The following AFF4 variants were observed in gnomAD, a reference collection of about 807,000 sequenced individuals.
AFF4 encodes AF4/FMR2 family member 4.
In AFF4, 13 loss-of-function variants were observed where a neutral mutation model predicts 124.8. The ratio of observed to expected loss-of-function variants is 0.10; its 90% CI spans 0.07 to 0.17. The LOEUF (loss-of-function observed/expected upper bound fraction) is 0.17, where lower values mean the gene tolerates loss of function less well. Ranked by LOEUF, AFF4 falls within the 10% of genes least tolerant of loss-of-function variation. AFF4 has a pLI of 1.00. For missense variants in AFF4, 1,092 were observed against 1,403.8 expected, an observed-to-expected ratio of 0.78 and a Z score of 3.55; for synonymous variants, 477 against 496.1, an observed-to-expected ratio of 0.96 and a Z score of 0.51.
intron 11 of AFF4, among the ~76,000 whole-genome samples, chr5:132,894,877 C>G (rs1760349029): frequency 6.6e-6 from 1 of 152,124 alleles, no homozygotes; most frequent in Admixed American, 6.5e-5. Context: ...TCACTTGAAC[C>G]CGGCAGTTTG....
In AFF4 at chr5:132,897,065, T is replaced by G. The variant is rs1008867886; in HGVS notation, c.1565A>C (p.Lys522Thr). The G allele has an allele frequency of 1.2e-6, 2 of 1,614,206 alleles. No individual in the cohort carries two copies. Among genetic ancestry groups the G allele is most frequent in the Non-Finnish European group, 1.7e-6 (2 of 1,180,032 alleles). The change falls in exon 11 of 21, where the codon AAA becomes ACA. Residue 522 changes from lysine to threonine, a missense_variant. This residue lies in a region of AFF4 where 174 missense variants were observed against 205.9 expected (regional missense o/e 0.84). Transcript: ENST00000265343. ...TCCCGGAGTAGCGGAACTCGTTTCT[T>G]TAGGTCCACTTGTATCAGTGTAGCT... is the stretch of plus-strand genomic sequence containing the variant. ...GNSYTDTSGP[K>T]ETSSATPGRD...
chr5:132,949,305 C>G (rs961293110), intron 1 of AFF4, among the ~76,000 whole-genome samples: 1 of 146,550 alleles, frequency 6.8e-6, no homozygotes, highest in Admixed American at 7.0e-5. Context: ...CCACAGCCTT[C>G]AGAGTAGCTG....
intron 5 of AFF4, among the ~76,000 whole-genome samples, chr5:132,914,213 G>T (rs1382777788): frequency 6.6e-6 from 1 of 151,504 alleles, no homozygotes; most frequent in Non-Finnish European, 1.5e-5. Flanking sequence ...GGGCAACGGA[G>T]CAAGACTCCA....
intron 19 of AFF4, 46 bp from the exon 20 acceptor site, chr5:132,883,606 A>G (rs768295671): frequency 6.4e-7 from 1 of 1,561,282 alleles, no homozygotes; most frequent in South Asian, 1.1e-5. Flanking sequence ...CATGGTAAGC[A>G]TTATAAAATC....
At chr5:132,946,757 A>G (rs1322639696) in intron 1 of AFF4, among the ~76,000 whole-genome samples, 4 of 152,242 alleles carry the variant, frequency 2.6e-5, no homozygotes, top group Admixed American at 2.6e-4. Context: ...ACTGAATTGT[A>G]TATGTAAAAT....
chr5:132,896,876 T>C lies in AFF4; in HGVS notation c.1754A>G (p.Glu585Gly), dbSNP rs762384713. Residue 585 changes from glutamate to glycine, a missense_variant, in exon 11 of 21, where the codon GAA becomes GGA. Transcript: ENST00000265343. ...AEEPRGGLKIESETPVDLASS... is the reference protein window; with the variant it reads ...AEEPRGGLKIGSETPVDLASS... Reference sequence around the variant, plus strand: ...AGCCAAGTCTACAGGGGTTTCACTTTCTATCTTCAGGCCTCCACGAGGCTC... The same window carrying C: ...AGCCAAGTCTACAGGGGTTTCACTTCCTATCTTCAGGCCTCCACGAGGCTC... 6.2e-7 allele frequency: 1 copy of C among 1,614,126 alleles called. No homozygotes were observed. The highest frequency in any genetic ancestry group is 1.7e-5 in the Admixed American group (1 of 60,004).
rs1259299926 is a variant in AFF4, at chr5:132,902,442, G to A, written c.1133C>T (p.Ser378Phe). The change falls in exon 7 of 21, where the codon TCT (serine) becomes TTT (phenylalanine). Residue 378 changes from serine to phenylalanine, a missense_variant and splice_region_variant. By Grantham distance (155) the Ser-to-Phe change is radical. Transcript: ENST00000265343. ...TAAACTCATTAAGCAATAAACTTAC[G>A]ATTTAGACTGGTGCCCATTTGAAGT... ...SKTSNGHQSK[S>F]MLKDDLKLSS... 32 of 1,603,400 alleles carry A rather than the reference G, an allele frequency of 2.0e-5. No individual in the cohort carries two copies. The highest frequency in any genetic ancestry group is 2.7e-5 in the African/African-American group (2 of 74,668).
intron 20 of AFF4, 78 bp downstream of exon 20, chr5:132,883,262 T>A: frequency 6.7e-6 from 9 of 1,339,522 alleles, no homozygotes; most frequent in Non-Finnish European, 9.5e-6. Flanking sequence ...AAATACAGAC[T>A]AAACGCTTAC....
At chr5:132,920,238 C>T (rs990960819) in intron 5 of AFF4, among the ~76,000 whole-genome samples, 1 of 151,756 alleles carries the variant, frequency 6.6e-6, no homozygotes, top group Non-Finnish European at 1.5e-5. Context: ...TTAGTGGAGT[C>T]GGAGTTTCAC....
Position 132,887,905 on chromosome 5 carries a change from C to G in AFF4, c.2874G>C (p.Lys958Asn). ...ATGGGGATTTGGATTCCTGAGCATT[C>G]TTCTCTAATGCATTCCCACATTCAA... ...SFIECGNALE[K>N]NAQESKSPFP... The change falls in exon 16 of 21, where the codon AAG (lysine) becomes AAC (asparagine). Residue 958 changes from lysine to asparagine, a missense_variant. Coordinates refer to ENST00000265343, the MANE Select transcript of AFF4 (RefSeq NM_014423.4). The G allele has an allele frequency of 6.2e-7, 1 of 1,613,868 alleles. No homozygotes were observed. The highest frequency in any genetic ancestry group is 8.5e-7 in the Non-Finnish European group (1 of 1,179,946).
chr5:132,949,687 C>A (rs1297063517), intron 1 of AFF4, among the ~76,000 whole-genome samples: 1 of 141,558 alleles, frequency 7.1e-6, no homozygotes, highest in African/African-American at 2.8e-5. Flanking sequence ...ATGTGTACCA[C>A]ACACACACAC....
intron 5 of AFF4, among the ~76,000 whole-genome samples, chr5:132,921,249 A>G (rs531196151): frequency 2.2e-4 from 34 of 152,306 alleles, no homozygotes; most frequent in African/African-American, 6.3e-4. Flanking sequence ...GCAAATCAGT[A>G]CATGAAAAGA....
At chr5:132,940,934 G>A (rs148265199) in intron 1 of AFF4, among the ~76,000 whole-genome samples, 29 of 152,008 alleles carry the variant, frequency 1.9e-4, no homozygotes, top group Non-Finnish European at 3.2e-4. Context: ...GGCTGATGCA[G>A]GAGAAAAGCT....
At chr5:132,963,067 C>T (rs953056103) in intron 1 of AFF4, among the ~76,000 whole-genome samples, 192 bp downstream of exon 1, 39 of 152,052 alleles carry the variant, frequency 2.6e-4, no homozygotes, top group African/African-American at 8.2e-4. Context: ...TTTTTATTTT[C>T]TTATCTTTGC....
In AFF4 at chr5:132,881,110, A is replaced by G. The variant is rs562166983; in HGVS notation, c.3441T>C (p.Tyr1147=). 7 of 1,614,234 alleles carry G rather than the reference A, an allele frequency of 4.3e-6. No homozygotes were observed. The African/African-American group carries it at 6.7e-5, about 15-fold the overall frequency. Reference sequence around the variant, plus strand: ...GAAGCCAGTGCAGTCCCTGCCGGGTATAACGAACTAGATCTGTCATGATGC... The same window carrying G: ...GAAGCCAGTGCAGTCCCTGCCGGGTGTAACGAACTAGATCTGTCATGATGC... ...NASIMTDLVR[Y]TRQGLHWLRQ... is the part of the protein sequence containing the mutation. Residue 1147 remains tyrosine (Y), a synonymous_variant, in exon 21 of 21, where the codon TAT becomes TAC. Transcript: ENST00000265343.
intron 1 of AFF4, among the ~76,000 whole-genome samples, chr5:132,950,273 C>T (rs529112234): frequency 5.7e-4 from 87 of 152,154 alleles, no homozygotes; most frequent in African/African-American, 2.1e-3. Flanking sequence ...GTTGGGAGTT[C>T]GAGACCAGCC....
intron 1 of AFF4, among the ~76,000 whole-genome samples, chr5:132,956,084 C>A (rs900143103): frequency 6.6e-6 from 1 of 151,706 alleles, no homozygotes; most frequent in African/African-American, 2.4e-5. Flanking sequence ...CCCTAACAGC[C>A]ACCAAGTAAA....
At position 132,958,182 on chromosome 5, in the gene AFF4, C is replaced by A. The variant is rs140984591; in HGVS notation, c.-5+5077G>T. Among the ~76,000 whole-genome samples, 360 of 152,142 alleles carry A rather than the reference C, an allele frequency of 2.4e-3. 1 individual carries two copies. Among genetic ancestry groups the A allele is most frequent in the Middle Eastern group, 6.8e-3 (2 of 294 alleles). On this transcript the variant is annotated intron_variant, in intron 1 of 20. Transcript: ENST00000265343. ...CTTACAGTCCTTCTTTTACTAGTGT[C>A]TTCCCTAATACATTTTTCGTGATGT... is the stretch of plus-strand genomic sequence containing the variant.
intron 1 of AFF4, among the ~76,000 whole-genome samples, chr5:132,961,244 T>A (rs1227579329): frequency 1.3e-5 from 2 of 152,016 alleles, no homozygotes; most frequent in Non-Finnish European, 2.9e-5. Context: ...GTTCAAGCGA[T>A]TCTCAAGCGA....
Sources: allele counts gnomAD v4.1 joint callset (sites outside exome capture counted in the v4.1 genomes callset), GRCh38; gene constraint gnomAD v4.1.1; regional missense constraint gnomAD v4.1.1; transcripts MANE v1.5; gene names NCBI Gene and HGNC (gene_info 2026-07-23, HGNC 2026-07-21).